The following CSMD1 variants were observed in gnomAD, a reference collection of about 807,000 sequenced individuals.
The protein encoded by CSMD1 is CUB and sushi domain-containing protein 1.
In CSMD1, 213 loss-of-function variants were observed where a neutral mutation model predicts 417.5. The observed-to-expected ratio is 0.51, with a 90% CI of 0.46 to 0.57. The LOEUF (loss-of-function observed/expected upper bound fraction) is 0.57, where lower values mean the gene tolerates loss of function less well. Ranked by LOEUF, CSMD1 falls within the 20% of genes least tolerant of loss-of-function variation. The probability of loss-of-function intolerance (pLI) is 0.00; values close to 1 mark genes in which losing one functional copy is unlikely to be tolerated. For missense variants in CSMD1, 6,923 were observed against 4,529.7 expected (o/e 1.53, Z -15.17); for synonymous variants, 2,862 against 1,736.8 (o/e 1.65, Z -16.11).
At chr8:4,942,799 C>T (rs1808099296) in intron 1 of CSMD1, among the ~76,000 whole-genome samples, 1 of 152,218 alleles carries the variant, frequency 6.6e-6, no homozygotes, top group Non-Finnish European at 1.5e-5. Context: ...TTGGAAACTG[C>T]AACTTAAATG....
intron 5 of CSMD1, among the ~76,000 whole-genome samples, chr8:3,785,974 C>G (rs767735373): frequency 1.3e-5 from 2 of 152,144 alleles, no homozygotes; most frequent in African/African-American, 2.4e-5. Flanking sequence ...CTGCAGTTTT[C>G]CCCAGGAGAC....
chr8:2,977,455 A>G (rs1407227607), intron 55 of CSMD1, among the ~76,000 whole-genome samples: 3 of 152,150 alleles, frequency 2.0e-5, no homozygotes, highest in Admixed American at 2.0e-4. Flanking sequence ...TGGCTGCATC[A>G]CGTTCCACGG....
intron 1 of CSMD1, among the ~76,000 whole-genome samples, chr8:4,891,591 G>A (rs144220047): frequency 1.3e-5 from 2 of 151,916 alleles, no homozygotes; most frequent in South Asian, 4.2e-4. Flanking sequence ...ATCTCTTTTA[G>A]GAAATGTCTT....
At chr8:4,605,464 T>G (rs1800816865) in intron 2 of CSMD1, among the ~76,000 whole-genome samples, 2 of 152,172 alleles carry the variant, frequency 1.3e-5, no homozygotes, top group Admixed American at 6.5e-5. Flanking sequence ...CTGATTATGA[T>G]GATTCATCTT....
chr8:3,357,524 G>C (rs918897312), intron 21 of CSMD1, among the ~76,000 whole-genome samples: 1 of 152,112 alleles, frequency 6.6e-6, no homozygotes, highest in African/African-American at 2.4e-5. Flanking sequence ...TCATATTTTA[G>C]ACCACAGAGT....
At chr8:4,071,686 T>G (rs889972079) in intron 3 of CSMD1, among the ~76,000 whole-genome samples, 10 of 152,220 alleles carry the variant, frequency 6.6e-5, no homozygotes, top group Non-Finnish European at 2.9e-5. Flanking sequence ...ATTGTGAATT[T>G]GGTTTATTTT....
chr8:4,747,030 G>A lies in CSMD1; in HGVS notation c.86-109472C>T, dbSNP rs181203197. ...GAAGGCGGTTCAGAGAAGCCACTGAGTAGGGAGGGCCTCCCCACCAGAATG... is the reference window on the plus strand; with the variant it reads ...GAAGGCGGTTCAGAGAAGCCACTGAATAGGGAGGGCCTCCCCACCAGAATG... On this transcript the variant is annotated intron_variant, in intron 1 of 69. Coordinates refer to ENST00000635120, the MANE Select transcript of CSMD1 (RefSeq NM_033225.6). Among the ~76,000 whole-genome samples, 344 of 152,264 alleles carry A rather than the reference G, an allele frequency of 2.3e-3. 3 individuals are homozygous for A. Among genetic ancestry groups the A allele is most frequent in the African/African-American group, 7.9e-3 (330 of 41,552 alleles).
intron 12 of CSMD1, among the ~76,000 whole-genome samples, chr8:3,410,425 T>C (rs1048963825): frequency 1.3e-5 from 2 of 152,130 alleles, no homozygotes; most frequent in Non-Finnish European, 1.5e-5. Flanking sequence ...GGCAGGGATC[T>C]GGTGGGAGGT....
intron 2 of CSMD1, among the ~76,000 whole-genome samples, chr8:4,459,522 A>G (rs980078364): frequency 2.0e-5 from 3 of 152,206 alleles, no homozygotes; most frequent in African/African-American, 7.2e-5. Context: ...AATTGTGAGG[A>G]TAAGCAATTT....
intron 21 of CSMD1, among the ~76,000 whole-genome samples, chr8:3,357,929 T>C (rs1347521764): frequency 2.0e-5 from 3 of 152,338 alleles, no homozygotes; most frequent in African/African-American, 7.2e-5. Context: ...CATGTTTATT[T>C]GTTTAATTTT....
chr8:3,306,160 G>A (rs541214369), intron 25 of CSMD1, among the ~76,000 whole-genome samples: 8 of 151,804 alleles, frequency 5.3e-5, no homozygotes, highest in Admixed American at 2.0e-4. Context: ...TAAGTTATAG[G>A]GTTGCAGTGA....
intron 5 of CSMD1, among the ~76,000 whole-genome samples, chr8:3,759,845 T>A (rs546429013): frequency 1.4e-5 from 2 of 146,502 alleles, no homozygotes; most frequent in Admixed American, 6.9e-5. Flanking sequence ...GAGGCAGAGG[T>A]TGCAGTGACC....
chr8:3,640,021 T>C (rs1797229209), intron 7 of CSMD1, among the ~76,000 whole-genome samples: 2 of 152,210 alleles, frequency 1.3e-5, no homozygotes, highest in Non-Finnish European at 2.9e-5. Flanking sequence ...TAAATGTTTG[T>C]CGGAGAAATG....
At chr8:3,433,105 A>G (rs886633635) in intron 12 of CSMD1, among the ~76,000 whole-genome samples, 7 of 152,246 alleles carry the variant, frequency 4.6e-5, no homozygotes, top group African/African-American at 1.7e-4. Context: ...TACGTTTTAT[A>G]CAGAGATTGG....
chr8:3,281,818 C>G (rs995712811), intron 26 of CSMD1, among the ~76,000 whole-genome samples: 7 of 152,082 alleles, frequency 4.6e-5, no homozygotes, highest in Non-Finnish European at 1.0e-4. Context: ...ATTGTAATCC[C>G]CACTGTTGGA....
intron 12 of CSMD1, among the ~76,000 whole-genome samples, chr8:3,411,946 G>T (rs1481410246): frequency 1.7e-5 from 1 of 59,958 alleles, no homozygotes; most frequent in African/African-American, 6.3e-5. Flanking sequence ...ATATATGCAC[G>T]TATATATACA....
chr8:3,992,445 C>T (rs911245936), intron 5 of CSMD1, among the ~76,000 whole-genome samples: 1 of 152,130 alleles, frequency 6.6e-6, no homozygotes, highest in Non-Finnish European at 1.5e-5. Flanking sequence ...AGGTGCATAG[C>T]TTACAACAGG....
At position 4,988,483 on chromosome 8, in the gene CSMD1, C is replaced by T. The variant is rs181387640; in HGVS notation, c.85+5849G>A. 3.3e-4 allele frequency among the ~76,000 whole-genome samples: 50 copies of T among 152,096 alleles called. No individual in the cohort carries two copies. In the East Asian group the frequency reaches 9.5e-3, roughly 29 times the overall value. The stretch of plus-strand genomic sequence containing the variant: ...GCATGATCTTTTTTCTTTTCATTCC[C>T]CAAAGAAATTTTAGATGGGGATAAA... On this transcript the variant is annotated intron_variant, in intron 1 of 69. Coordinates refer to ENST00000635120, the MANE Select transcript of CSMD1 (RefSeq NM_033225.6).
intron 2 of CSMD1, among the ~76,000 whole-genome samples, chr8:4,429,978 CT>C (rs1398188147): frequency 6.6e-6 from 1 of 152,164 alleles, no homozygotes; most frequent in Non-Finnish European, 1.5e-5. Flanking sequence ...CCACTGGAAG[CT>C]GAGCTGGAAG....
Sources: allele counts gnomAD v4.1 joint callset (sites outside exome capture counted in the v4.1 genomes callset), GRCh38; gene constraint gnomAD v4.1.1; transcripts MANE v1.5; gene names NCBI Gene and HGNC (gene_info 2026-07-23, HGNC 2026-07-21).